FRRS1: variants seen among roughly 807,000 people sequenced by gnomAD.
The protein encoded by FRRS1 is ferric reductase 1.
In FRRS1, 51 loss-of-function variants were observed where a neutral mutation model predicts 70.7. The ratio of observed to expected loss-of-function variants is 0.72; its 90% CI spans 0.58 to 0.91. FRRS1 has a LOEUF of 0.91. Ranked by LOEUF, FRRS1 falls within the 40% of genes least tolerant of loss-of-function variation. FRRS1 has a pLI of 0.00. For missense variants in FRRS1, 672 were observed against 726.0 expected, an observed-to-expected ratio of 0.93 and a Z score of 0.86; for synonymous variants, 225 against 238.7, an observed-to-expected ratio of 0.94 and a Z score of 0.53.
At chr1:99,719,332 C>A (rs1654687788) in intron 10 of FRRS1, among the ~76,000 whole-genome samples, 1 of 148,836 alleles carries the variant, frequency 6.7e-6, no homozygotes, top group East Asian at 2.0e-4. Flanking sequence ...TGGTGTGAAC[C>A]CGGGAGGTGG....
rs150987616 is a variant in FRRS1, at chr1:99,752,127, C to A, written c.-105-3126G>T. On this transcript the variant is annotated intron_variant, in intron 1 of 16. Coordinates refer to ENST00000646001, the MANE Select transcript of FRRS1 (RefSeq NM_001361041.2). ...TGGTTGGTTTGATCTTCTATCCAGACCACTAAAACTTTCTCCATATCAACA... is the reference window on the plus strand; with the variant it reads ...TGGTTGGTTTGATCTTCTATCCAGAACACTAAAACTTTCTCCATATCAACA... Among the ~76,000 whole-genome samples the A allele has an allele frequency of 5.6e-3, 859 of 152,220 alleles. 9 individuals are homozygous for A. The Middle Eastern group carries it at 0.092, about 16-fold the overall frequency.
Position 99,740,680 on chromosome 1 carries a change from C to G in FRRS1, c.576+113G>C. On this transcript the variant is annotated intron_variant, in intron 6 of 16. Coordinates refer to ENST00000646001, the MANE Select transcript of FRRS1 (RefSeq NM_001361041.2). ...GCACAGTGGCTCACACCTGTAATTC[C>G]AAGCACTTTGTGACTCCAAGGCAGG... 4 of 726,206 alleles carry G rather than the reference C, an allele frequency of 5.5e-6. No homozygotes were observed. The South Asian group carries it at 6.9e-5, about 13-fold the overall frequency. 45.0% of individuals were successfully genotyped at this position (726,206 alleles called of 1,614,324 possible).
At chr1:99,733,362 G>C (rs567562099) in intron 7 of FRRS1, among the ~76,000 whole-genome samples, 4 of 152,330 alleles carry the variant, frequency 2.6e-5, no homozygotes, top group South Asian at 4.1e-4. Flanking sequence ...AGTACCTGGA[G>C]ATCAGTAGCA....
rs2100889842 is a variant in FRRS1 at position 99,706,417 on chromosome 1, A to T, written c.*2611T>A. ...GAGTAAGACCCTGTCTCAAAAAAAA[A>T]AAAAAAAGATTAAATGCAAAGGCTT... is the stretch of plus-strand genomic sequence containing the variant. On this transcript the variant is annotated 3_prime_UTR_variant, in exon 17 of 17. Transcript: ENST00000646001. Among the ~76,000 whole-genome samples the T allele has an allele frequency of 6.6e-6, 1 of 152,058 alleles. No individual in the cohort carries two copies. The highest frequency in any genetic ancestry group is 2.4e-5 in the African/African-American group (1 of 41,480).
chr1:99,732,017 G>A (rs925070017), intron 7 of FRRS1, among the ~76,000 whole-genome samples: 4 of 152,108 alleles, frequency 2.6e-5, no homozygotes, highest in Non-Finnish European at 4.4e-5. Context: ...TCATGAATGA[G>A]ACATAGAAAT....
At chr1:99,743,713 T>C (rs1171820786) in intron 4 of FRRS1, among the ~76,000 whole-genome samples, 2 of 152,214 alleles carry the variant, frequency 1.3e-5, no homozygotes, top group Non-Finnish European at 2.9e-5. Context: ...CACACTCAGC[T>C]AATTTTTGTA....
At position 99,728,629 on chromosome 1, in the gene FRRS1, C is replaced by T. The variant is rs776708943; in HGVS notation, c.870G>A (p.Glu290=). Residue 290 remains glutamate (E), a synonymous_variant, in exon 9 of 17, where the codon GAG becomes GAA. Coordinates refer to ENST00000646001, the MANE Select transcript of FRRS1 (RefSeq NM_001361041.2). The part of the protein sequence containing the change: ...HPVMDSRDTL[E]DMAWRLADGV... ...CGTCCGCCAACCTCCAAGCCATATCCTCAAGGGTATCCTACAAACACACAC... is the reference window on the plus strand; with the variant it reads ...CGTCCGCCAACCTCCAAGCCATATCTTCAAGGGTATCCTACAAACACACAC... 2 of 1,613,422 alleles carry T rather than the reference C, an allele frequency of 1.2e-6. No individual in the cohort carries two copies. Among genetic ancestry groups the T allele is most frequent in the Non-Finnish European group, 8.5e-7 (1 of 1,179,682 alleles).
chr1:99,752,813 A>T (rs1656637458), intron 1 of FRRS1, among the ~76,000 whole-genome samples: 1 of 152,156 alleles, frequency 6.6e-6, no homozygotes, highest in Non-Finnish European at 1.5e-5. Context: ...TGACATAGAG[A>T]CACAAAGTGA....
chr1:99,714,109 T>G (rs981266751), intron 12 of FRRS1, among the ~76,000 whole-genome samples: 1 of 151,816 alleles, frequency 6.6e-6, no homozygotes, highest in African/African-American at 2.4e-5. Flanking sequence ...GGAAGAACTT[T>G]GACTTTTACT....
chr1:99,709,351 A>C, intron 15 of FRRS1, 92 bp from the exon 16 acceptor site: 1 of 816,702 alleles, frequency 1.2e-6, no homozygotes, highest in Non-Finnish European at 2.0e-6. Flanking sequence ...GTTCACCCCA[A>C]TTTCCAGGGT....
chr1:99,730,759 C>T (rs1304432417), intron 7 of FRRS1, among the ~76,000 whole-genome samples: 3 of 151,180 alleles, frequency 2.0e-5, no homozygotes, highest in East Asian at 1.9e-4. Flanking sequence ...CCCAGCTACT[C>T]AGGAGGCTGA....
rs368975621 is a variant in FRRS1 at position 99,706,548 on chromosome 1, T to C, written c.*2480A>G. Among the ~76,000 whole-genome samples, 68 of 152,222 alleles carry C rather than the reference T, an allele frequency of 4.5e-4. 1 individual carries two copies. Among genetic ancestry groups the C allele is most frequent in the African/African-American group, 1.6e-3 (65 of 41,544 alleles). ...TATCTTAGCCTCAACACTCGAAATATAGCAAGCCCACATATTTGAAGACCA... is the reference window on the plus strand; with the variant it reads ...TATCTTAGCCTCAACACTCGAAATACAGCAAGCCCACATATTTGAAGACCA... On this transcript the variant is annotated 3_prime_UTR_variant, in exon 17 of 17. Coordinates refer to ENST00000646001, the MANE Select transcript of FRRS1 (RefSeq NM_001361041.2).
At chr1:99,729,007 C>T (rs1270173140) in intron 8 of FRRS1, among the ~76,000 whole-genome samples, 1 of 152,230 alleles carries the variant, frequency 6.6e-6, no homozygotes, top group African/African-American at 2.4e-5. Flanking sequence ...CAAAATGCAA[C>T]ATGCAACTGG....
chr1:99,722,059 G>C (rs182977551), intron 9 of FRRS1, among the ~76,000 whole-genome samples: 2 of 151,204 alleles, frequency 1.3e-5, no homozygotes, highest in African/African-American at 2.4e-5. Context: ...GTCCAGGCTG[G>C]AGTGCAGTGG....
In FRRS1 at chr1:99,705,404, G is replaced by C. The variant is rs1025637087; in HGVS notation, c.*3624C>G. The stretch of plus-strand genomic sequence containing the variant: ...GAATATCCTAATCTGATTTAAAAAG[G>C]ACTCTTAGAAGAATCTTTCCTTTCA... On this transcript the variant is annotated 3_prime_UTR_variant, in exon 17 of 17. Transcript: ENST00000646001. 6.6e-6 allele frequency among the ~76,000 whole-genome samples: 1 copy of C among 152,206 alleles called. No homozygotes were observed. Among genetic ancestry groups the C allele is most frequent in the African/African-American group, 2.4e-5 (1 of 41,444 alleles).
chr1:99,719,790 T>C, intron 9 of FRRS1, 143 bp from the exon 10 acceptor site: 1 of 582,774 alleles, frequency 1.7e-6, no homozygotes. Context: ...ATGTCATTCA[T>C]ATGCAAAAGC....
intron 1 of FRRS1, among the ~76,000 whole-genome samples, chr1:99,759,053 C>T (rs1656989012): frequency 6.6e-6 from 1 of 152,190 alleles, no homozygotes; most frequent in Non-Finnish European, 1.5e-5. Flanking sequence ...ACAATACCTG[C>T]ACGGCTGAAC....
chr1:99,739,903 T>C (rs1248062492), intron 6 of FRRS1, among the ~76,000 whole-genome samples: 2 of 152,200 alleles, frequency 1.3e-5, no homozygotes, highest in African/African-American at 2.4e-5. Context: ...TGTATCCACT[T>C]CTGAATTGAG....
At chr1:99,744,865 G>A (rs897512162) in intron 4 of FRRS1, among the ~76,000 whole-genome samples, 9 of 151,390 alleles carry the variant, frequency 5.9e-5, no homozygotes, top group East Asian at 1.9e-4. Context: ...ACCTACTCGG[G>A]AGGCTGAGGC....
Sources: gnomAD v4.1 joint callset for allele counts (sites outside exome capture counted in the v4.1 genomes callset) on GRCh38, gnomAD v4.1.1 for gene constraint, MANE v1.5 for transcripts, NCBI Gene and HGNC (gene_info 2026-07-23, HGNC 2026-07-21) for gene names.